The following RASAL2 variants were observed in gnomAD, a reference collection of about 807,000 sequenced individuals.
RASAL2 encodes the protein ras GTPase-activating protein nGAP.
A neutral mutation model predicts 128.9 loss-of-function variants in RASAL2; 58 were observed. The observed-to-expected ratio is 0.45, with a 90% CI of 0.36 to 0.56. The LOEUF (loss-of-function observed/expected upper bound fraction) is 0.56, where lower values mean the gene tolerates loss of function less well. RASAL2 is among the 20% of genes least tolerant of loss of function. The pLI, the probability that RASAL2 is intolerant of heterozygous loss-of-function variation, is 0.00. For missense variants in RASAL2, 1,360 were observed against 1,601.6 expected, an observed-to-expected ratio of 0.85 and a Z score of 2.57; for synonymous variants, 561 against 580.8, an observed-to-expected ratio of 0.97 and a Z score of 0.49.
chr1:178,397,640 C>T (rs893125855), intron 4 of RASAL2, among the ~76,000 whole-genome samples: 3 of 151,384 alleles, frequency 2.0e-5, no homozygotes, highest in African/African-American at 2.4e-5. Flanking sequence ...GATAGGGTCT[C>T]GCTGTGTCAC....
chr1:178,389,362 ACACATG>A, intron 3 of RASAL2: 1 of 639,044 alleles, frequency 1.6e-6, no homozygotes, highest in Non-Finnish European at 1.9e-6. Flanking sequence ...ATATATATAT[ACACATG>A]TATATATATA....
intron 1 of RASAL2, among the ~76,000 whole-genome samples, chr1:178,162,254 C>T (rs1355224823): frequency 2.8e-5 from 4 of 140,902 alleles, no homozygotes; most frequent in South Asian, 4.3e-4. Flanking sequence ...CGTGAGCCAC[C>T]GCACCTGGCC....
At chr1:178,421,654 T>A (rs976140486) in intron 5 of RASAL2, among the ~76,000 whole-genome samples, 3 of 151,726 alleles carry the variant, frequency 2.0e-5, no homozygotes, top group African/African-American at 7.3e-5. Flanking sequence ...ATGTTTTACT[T>A]TTTTTTTCCA....
intron 1 of RASAL2, among the ~76,000 whole-genome samples, chr1:178,145,908 CAT>C (rs1660717966): frequency 1.3e-5 from 2 of 152,188 alleles, no homozygotes; most frequent in South Asian, 2.1e-4. Context: ...AACTCACACA[CAT>C]AGTCATACCT....
At chr1:178,240,099 G>A (rs1368736386) in intron 1 of RASAL2, among the ~76,000 whole-genome samples, 1 of 151,926 alleles carries the variant, frequency 6.6e-6, no homozygotes, top group African/African-American at 2.4e-5. Flanking sequence ...GCCCTGTGAT[G>A]TAACATTAGG....
chr1:178,476,096 G>A lies in RASAL2; in HGVS notation c.*2857G>A, dbSNP rs1648652711. 6.6e-6 allele frequency: 1 copy of A among 152,208 alleles called. No homozygotes were observed. The highest frequency in any genetic ancestry group is 1.5e-5 in the Non-Finnish European group (1 of 68,044). 9.4% of individuals were successfully genotyped at this position (152,208 alleles called of 1,614,324 possible). On this transcript the variant is annotated 3_prime_UTR_variant, in exon 18 of 18. Transcript: ENST00000367649. ...CTGGGAGGAGGTACATGGCTGAAGA[G>A]AGGCAAATAGATTAAGATAGCAATG...
intron 1 of RASAL2, among the ~76,000 whole-genome samples, chr1:178,149,304 G>T (rs546205784): frequency 8.5e-5 from 13 of 152,106 alleles, no homozygotes; most frequent in Non-Finnish European, 1.6e-4. Context: ...ATTTTAATCT[G>T]TTATCTTAAG....
At chr1:178,308,394 C>G (rs982674014) in intron 3 of RASAL2, among the ~76,000 whole-genome samples, 1 of 151,818 alleles carries the variant, frequency 6.6e-6, no homozygotes, top group African/African-American at 2.4e-5. Flanking sequence ...AGTTTATTGA[C>G]CTCTGAGTGA....
At chr1:178,384,918 A>G (rs1474200092) in intron 3 of RASAL2, among the ~76,000 whole-genome samples, 1 of 152,206 alleles carries the variant, frequency 6.6e-6, no homozygotes, top group Non-Finnish European at 1.5e-5. Flanking sequence ...TGCAAATATT[A>G]TATGGCATAT....
intron 2 of RASAL2, among the ~76,000 whole-genome samples, chr1:178,289,634 A>G (rs1206516623): frequency 6.6e-6 from 1 of 152,078 alleles, no homozygotes; most frequent in Non-Finnish European, 1.5e-5. Context: ...CTCTAGACTC[A>G]TATATCCATC....
chr1:178,455,300 C>CT (rs1358179996), intron 12 of RASAL2, among the ~76,000 whole-genome samples: 1 of 152,150 alleles, frequency 6.6e-6, no homozygotes, highest in African/African-American at 2.4e-5. Context: ...AAAAAATAGT[C>CT]TAAAAGACGT....
chr1:178,353,235 A>T (rs1670614322), intron 3 of RASAL2, among the ~76,000 whole-genome samples: 1 of 152,162 alleles, frequency 6.6e-6, no homozygotes, highest in Admixed American at 6.5e-5. Context: ...GTTTTACGTC[A>T]TGTCTTTGCT....
chr1:178,362,169 T>C (rs1328449482), intron 3 of RASAL2, among the ~76,000 whole-genome samples: 2 of 152,168 alleles, frequency 1.3e-5, no homozygotes, highest in Non-Finnish European at 2.9e-5. Context: ...AGGATTTACA[T>C]TGTATTAGGT....
intron 2 of RASAL2, among the ~76,000 whole-genome samples, chr1:178,285,341 C>T (rs376248764): frequency 1.3e-5 from 2 of 151,290 alleles, no homozygotes; most frequent in South Asian, 2.1e-4. Context: ...AGGATGGTCT[C>T]GATCTCCTGA....
In RASAL2 at chr1:178,452,535, G is replaced by T; in HGVS notation, c.1892G>T (p.Cys631Phe). The T allele has an allele frequency of 6.2e-7, 1 of 1,613,964 alleles. No homozygotes were observed. The highest frequency in any genetic ancestry group is 1.1e-5 in the South Asian group (1 of 91,082). Residue 631 changes from cysteine (C) to phenylalanine (F), a missense_variant, in exon 11 of 18, where the codon TGT (cysteine) becomes TTT (phenylalanine). By Grantham distance (205) the Cys-to-Phe change is radical. Coordinates refer to ENST00000367649, the MANE Select transcript of RASAL2 (RefSeq NM_170692.4). ...ISASLFLRFL[C>F]PAIMSPSLFN... ...GCCTCATTATTTCTCCGTTTTCTGT[G>T]TCCAGCCATTATGTCTCCCAGTCTT...
chr1:178,446,532 T>A (rs1236204173), intron 9 of RASAL2, among the ~76,000 whole-genome samples: 1 of 152,238 alleles, frequency 6.6e-6, no homozygotes, highest in Non-Finnish European at 1.5e-5. Flanking sequence ...AGTTATTAAT[T>A]AGGTGTTTTA....
intron 1 of RASAL2, among the ~76,000 whole-genome samples, chr1:178,211,672 C>A (rs934054603): frequency 6.6e-6 from 1 of 152,140 alleles, no homozygotes; most frequent in African/African-American, 2.4e-5. Flanking sequence ...TCCCCTTAAC[C>A]TAAAAAAACC....
At position 178,451,502 on chromosome 1, in the gene RASAL2, A is replaced by G. The variant is rs377059814; in HGVS notation, c.1628-69A>G. ...CATTATACGTTTTAGGACAGAAATC[A>G]TAAGTCCTTTTATTCTATTCAGGAA... On this transcript the variant is annotated intron_variant, in intron 9 of 17. Coordinates refer to ENST00000367649, the MANE Select transcript of RASAL2 (RefSeq NM_170692.4). 1.1e-5 allele frequency: 16 copies of G among 1,469,060 alleles called. No individual in the cohort carries two copies. The African/African-American group carries it at 1.6e-4, about 14-fold the overall frequency. The allele number at this position is 1,469,060 out of a possible 1,614,324, so 91.0% of individuals were successfully genotyped here.
chr1:178,311,911 T>A (rs1413050991), intron 3 of RASAL2, among the ~76,000 whole-genome samples: 1 of 151,990 alleles, frequency 6.6e-6, no homozygotes, highest in African/African-American at 2.4e-5. Context: ...TTTAAAAAAA[T>A]GATTGATATC....
Sources: allele counts gnomAD v4.1 joint callset (sites outside exome capture counted in the v4.1 genomes callset), GRCh38; gene constraint gnomAD v4.1.1; transcripts MANE v1.5; gene names NCBI Gene and HGNC (gene_info 2026-07-23, HGNC 2026-07-21).